Variants in LMAN2L observed in about 807,000 individuals in gnomAD.
The protein encoded by LMAN2L is lectin, mannose binding 2 like.
Under a neutral mutation model 44.3 loss-of-function variants are expected in LMAN2L, and 30 were observed. The ratio of observed to expected loss-of-function variants is 0.68; its 90% CI spans 0.51 to 0.92. The LOEUF (loss-of-function observed/expected upper bound fraction) is 0.92. LMAN2L is among the 40% of genes least tolerant of loss of function. LMAN2L has a pLI of 0.00. For missense variants in LMAN2L, 429 were observed against 446.1 expected (o/e 0.96, Z 0.35); for synonymous variants, 183 against 171.1 (o/e 1.07, Z -0.54).
intron 1 of LMAN2L, among the ~76,000 whole-genome samples, chr2:96,739,329 A>G (rs1461887067): frequency 6.6e-6 from 1 of 152,216 alleles, no homozygotes; most frequent in Non-Finnish European, 1.5e-5. Context: ...GGCTAACTGC[A>G]TTAATTTTCT....
At chr2:96,712,815 G>A (rs897620135) in intron 4 of LMAN2L, among the ~76,000 whole-genome samples, 4 of 152,206 alleles carry the variant, frequency 2.6e-5, no homozygotes, top group Admixed American at 2.6e-4. Context: ...CAGTAGAGTT[G>A]TAGGAGCAAT....
intron 2 of LMAN2L, among the ~76,000 whole-genome samples, chr2:96,736,843 C>T (rs2078526427): frequency 6.6e-6 from 1 of 152,168 alleles, no homozygotes; most frequent in Non-Finnish European, 1.5e-5. Flanking sequence ...AAACACAATG[C>T]TCTGTACTCT....
intron 1 of LMAN2L, among the ~76,000 whole-genome samples, chr2:96,738,365 T>A (rs532201174): frequency 2.6e-5 from 4 of 152,094 alleles, no homozygotes; most frequent in African/African-American, 9.6e-5. Flanking sequence ...AAGAAAAAAA[T>A]TTTCCTGAGT....
chr2:96,723,246 TGTAAA>T (rs1431967018), intron 4 of LMAN2L, among the ~76,000 whole-genome samples: 1 of 152,164 alleles, frequency 6.6e-6, no homozygotes, highest in Non-Finnish European at 1.5e-5. Flanking sequence ...TTCTAGCGGG[TGTAAA>T]GTAGTGTCTT....
intron 4 of LMAN2L, among the ~76,000 whole-genome samples, chr2:96,727,347 A>AG (rs1297279859): frequency 6.6e-6 from 1 of 152,152 alleles, no homozygotes; most frequent in Non-Finnish European, 1.5e-5. Context: ...ACCACAGTTG[A>AG]GGGGCCGGGT....
chr2:96,737,275 C>T, intron 2 of LMAN2L: 1 of 392,144 alleles, frequency 2.6e-6, no homozygotes, highest in Admixed American at 3.8e-5. Context: ...GTGGCTTTCA[C>T]ATGAAAATAA....
chr2:96,720,642 A>C (rs112207440), intron 4 of LMAN2L, among the ~76,000 whole-genome samples: 1 of 152,020 alleles, frequency 6.6e-6, no homozygotes, highest in Non-Finnish European at 1.5e-5. Context: ...ATCAACATTA[A>C]AAAATAACTA....
chr2:96,713,307 G>A (rs1403971476), intron 4 of LMAN2L, among the ~76,000 whole-genome samples: 1 of 152,206 alleles, frequency 6.6e-6, no homozygotes, highest in Non-Finnish European at 1.5e-5. Flanking sequence ...CATCCGTGAA[G>A]TCTTTGCACC....
chr2:96,724,892 C>T (rs1317962838), intron 4 of LMAN2L, among the ~76,000 whole-genome samples: 2 of 151,940 alleles, frequency 1.3e-5, no homozygotes, highest in African/African-American at 2.4e-5. Context: ...AGTGCAGTGG[C>T]GCGATCTTGG....
At chr2:96,730,555 A>G (rs547769493) in intron 4 of LMAN2L, among the ~76,000 whole-genome samples, 113 of 152,324 alleles carry the variant, frequency 7.4e-4, no homozygotes, top group African/African-American at 2.6e-3. Flanking sequence ...ATATTGTAGA[A>G]TGCAAGGTGA....
At chr2:96,707,535 T>C in intron 7 of LMAN2L, 137 bp from the exon 8 acceptor site, 1 of 1,258,752 alleles carries the variant, frequency 7.9e-7, no homozygotes. Flanking sequence ...TCTTTCCAAC[T>C]GAGAAACAAA....
rs866149006 is a variant in LMAN2L at position 96,737,277 on chromosome 2, T to C, written c.306+672A>G. ...CCAACAGCTCAGAGTGGCTTTCACA[T>C]GAAAATAAAATTTTATATCAGACTC... On this transcript the variant is annotated intron_variant, in intron 2 of 7. Transcript: ENST00000264963. The C allele has an allele frequency of 7.7e-6, 3 of 391,750 alleles. No individual in the cohort carries two copies. The Middle Eastern group carries it at 1.1e-3, about 141-fold the overall frequency. The allele number at this position is 391,750 out of a possible 1,614,324, so 24.3% of individuals were successfully genotyped here. A position where few individuals can be genotyped will look rare whatever the true frequency, so the allele number is the denominator to read the frequency against.
intron 4 of LMAN2L, among the ~76,000 whole-genome samples, chr2:96,730,172 G>A (rs1010297125): frequency 2.0e-5 from 3 of 152,070 alleles, no homozygotes; most frequent in African/African-American, 7.3e-5. Flanking sequence ...TGAAATGGAA[G>A]CTAACAGAGT....
chr2:96,727,139 T>C (rs2078289013), intron 4 of LMAN2L, among the ~76,000 whole-genome samples: 1 of 151,846 alleles, frequency 6.6e-6, no homozygotes, highest in Non-Finnish European at 1.5e-5. Flanking sequence ...CACATATATA[T>C]ATATATTAGC....
chr2:96,728,581 G>A (rs1255156046), intron 4 of LMAN2L, among the ~76,000 whole-genome samples: 3 of 151,318 alleles, frequency 2.0e-5, no homozygotes, highest in Non-Finnish European at 4.4e-5. Context: ...GGTGGTTCAC[G>A]CTTGTAATCC....
chr2:96,714,441 G>T (rs1255094862), intron 4 of LMAN2L, among the ~76,000 whole-genome samples: 1 of 152,236 alleles, frequency 6.6e-6, no homozygotes, highest in Admixed American at 6.5e-5. Context: ...ATTCATACAG[G>T]ACACAGAAAG....
At chr2:96,709,027 G>A (rs1435694790) in intron 6 of LMAN2L, among the ~76,000 whole-genome samples, 1 of 146,864 alleles carries the variant, frequency 6.8e-6, no homozygotes, top group Non-Finnish European at 1.5e-5. Context: ...CAATTCCCCT[G>A]CCTCAGCCTC....
At chr2:96,732,547 G>A (rs563627606) in intron 4 of LMAN2L, among the ~76,000 whole-genome samples, 3 of 151,830 alleles carry the variant, frequency 2.0e-5, no homozygotes, top group African/African-American at 7.2e-5. Flanking sequence ...GGGAGGCTGA[G>A]GCAGAAGAAT....
At chr2:96,736,938 T>C (rs1325539477) in intron 2 of LMAN2L, among the ~76,000 whole-genome samples, 1 of 152,222 alleles carries the variant, frequency 6.6e-6, no homozygotes, top group Admixed American at 6.5e-5. Context: ...CTTGCCCTCC[T>C]GAACAGGGAA....
Sources: allele counts gnomAD v4.1 joint callset (sites outside exome capture counted in the v4.1 genomes callset), GRCh38; gene constraint gnomAD v4.1.1; transcripts MANE v1.5; gene names NCBI Gene and HGNC (gene_info 2026-07-23, HGNC 2026-07-21).